Variants in CHSY3 observed in about 807,000 individuals in gnomAD.
CHSY3 encodes the protein chondroitin sulfate synthase 3.
CHSY3 carries 35 observed loss-of-function variants against 67.2 expected under a neutral mutation model. The ratio of observed to expected loss-of-function variants is 0.52; its 90% CI spans 0.40 to 0.69. The LOEUF is 0.69. Ranked by LOEUF, CHSY3 falls within the 30% of genes least tolerant of loss-of-function variation. The probability of loss-of-function intolerance (pLI) is 0.00; values close to 1 mark genes in which losing one functional copy is unlikely to be tolerated. For synonymous variants in CHSY3, 474 were observed against 434.7 expected, an observed-to-expected ratio of 1.09 and a Z score of -1.12; for missense variants, 1,069 against 1,138.5, an observed-to-expected ratio of 0.94 and a Z score of 0.88.
At chr5:130,175,610 A>G (rs1770023381) in intron 2 of CHSY3, among the ~76,000 whole-genome samples, 1 of 152,224 alleles carries the variant, frequency 6.6e-6, no homozygotes, top group African/African-American at 2.4e-5. Flanking sequence ...AAACTATACT[A>G]CAAGGCTACA....
At chr5:130,176,650 A>T (rs1770062304) in intron 2 of CHSY3, among the ~76,000 whole-genome samples, 1 of 152,230 alleles carries the variant, frequency 6.6e-6, no homozygotes, top group Admixed American at 6.5e-5. Context: ...ACACCATGGA[A>T]TACTATGCAG....
At chr5:129,931,185 C>G (rs922948182) in intron 2 of CHSY3, among the ~76,000 whole-genome samples, 7 of 152,036 alleles carry the variant, frequency 4.6e-5, no homozygotes, top group Non-Finnish European at 4.4e-5. Flanking sequence ...TGTCTCCATT[C>G]TTATTTGTTA....
intron 2 of CHSY3, among the ~76,000 whole-genome samples, chr5:130,107,240 G>A (rs986898846): frequency 6.6e-5 from 10 of 151,188 alleles, no homozygotes; most frequent in Non-Finnish European, 1.3e-4. Flanking sequence ...AAATAAAACT[G>A]ATCTAATTTG....
intron 2 of CHSY3, among the ~76,000 whole-genome samples, chr5:129,985,256 C>G (rs1351387828): frequency 6.6e-6 from 1 of 152,266 alleles, no homozygotes; most frequent in South Asian, 2.1e-4. Flanking sequence ...AGCCAGTCAT[C>G]CCAGCAACAT....
At chr5:130,064,674 T>C (rs1463464269) in intron 2 of CHSY3, among the ~76,000 whole-genome samples, 2 of 152,198 alleles carry the variant, frequency 1.3e-5, no homozygotes, top group Non-Finnish European at 2.9e-5. Flanking sequence ...ACTCTTTATC[T>C]GGAGCCAAAT....
At chr5:129,932,118 A>ATG (rs1761332658) in intron 2 of CHSY3, among the ~76,000 whole-genome samples, 1 of 27,080 alleles carries the variant, frequency 3.7e-5, no homozygotes, top group African/African-American at 8.4e-5. Context: ...ATATATATAT[A>ATG]TATATATATA....
At position 129,936,118 on chromosome 5, in the gene CHSY3, CTT is replaced by C. The variant is rs370608893; in HGVS notation, c.1086+27760_1086+27761del. Among the ~76,000 whole-genome samples the C allele has an allele frequency of 2.0e-4, 30 of 152,218 alleles. No individual in the cohort carries two copies. The East Asian group carries it at 2.7e-3, about 14-fold the overall frequency. ...GTAAAAGTTTGGGGAACTTGAAAGA[CTT>C]TATGAAATTCATTGGAGGATAAAAA... On this transcript the variant is annotated intron_variant, in intron 2 of 2. Transcript: ENST00000305031.
At chr5:129,916,000 C>G (rs1466352179) in intron 2 of CHSY3, among the ~76,000 whole-genome samples, 1 of 152,106 alleles carries the variant, frequency 6.6e-6, no homozygotes, top group Non-Finnish European at 1.5e-5. Context: ...ATAATTCTCT[C>G]AATAGAAGCC....
chr5:130,100,350 ATTTTTTT>A (rs3065055), intron 2 of CHSY3, among the ~76,000 whole-genome samples: 1 of 131,688 alleles, frequency 7.6e-6, no homozygotes, highest in Non-Finnish European at 1.6e-5. Flanking sequence ...ATGCTTGGCT[ATTTTTTT>A]TTTTTTTTTT....
Position 129,932,014 on chromosome 5 carries a change from G to C in CHSY3, c.1086+23654G>C, listed in dbSNP as rs187945126. ...TCTACAGAAAAAGAAATAATAGGAT[G>C]TATGAAAAAACATGTATTTGTATGT... On this transcript the variant is annotated intron_variant, in intron 2 of 2. Coordinates refer to ENST00000305031, the MANE Select transcript of CHSY3 (RefSeq NM_175856.5). Among the ~76,000 whole-genome samples the C allele has an allele frequency of 1.9e-3, 284 of 150,428 alleles. 3 individuals are homozygous for C. Among genetic ancestry groups the C allele is most frequent in the African/African-American group, 6.6e-3 (268 of 40,794 alleles).
chr5:129,984,315 A>T (rs1354360736), intron 2 of CHSY3, among the ~76,000 whole-genome samples: 3 of 152,102 alleles, frequency 2.0e-5, no homozygotes, highest in Non-Finnish European at 4.4e-5. Flanking sequence ...TTCAGTTTTG[A>T]TAATGGCTTC....
At chr5:130,003,182 C>T (rs1462329839) in intron 2 of CHSY3, among the ~76,000 whole-genome samples, 1 of 152,012 alleles carries the variant, frequency 6.6e-6, no homozygotes, top group Non-Finnish European at 1.5e-5. Context: ...CCATGATAGC[C>T]GAGTATCCAT....
At chr5:129,947,270 T>C (rs913414249) in intron 2 of CHSY3, among the ~76,000 whole-genome samples, 2 of 151,872 alleles carry the variant, frequency 1.3e-5, no homozygotes, top group Non-Finnish European at 2.9e-5. Context: ...CCCTCATGAT[T>C]AAATTACCTC....
At position 130,077,369 on chromosome 5, in the gene CHSY3, C is replaced by T. The variant is rs113951635; in HGVS notation, c.1087-106860C>T. On this transcript the variant is annotated intron_variant, in intron 2 of 2. Coordinates refer to ENST00000305031, the MANE Select transcript of CHSY3 (RefSeq NM_175856.5). ...AATTTGAAGTACCTGGATACCATAA[C>T]ATGACTAGAGTGTGGCAGAAGCCCA... 2.0e-5 allele frequency among the ~76,000 whole-genome samples: 3 copies of T among 152,160 alleles called. 1 individual carries two copies. The highest frequency in any genetic ancestry group is 7.2e-5 in the African/African-American group (3 of 41,528).
intron 2 of CHSY3, among the ~76,000 whole-genome samples, chr5:130,000,757 T>C (rs1580634733): frequency 7.0e-6 from 1 of 143,808 alleles, no homozygotes; most frequent in Non-Finnish European, 1.5e-5. Context: ...TTTTTTTTTT[T>C]TGTAGAGATG....
intron 2 of CHSY3, among the ~76,000 whole-genome samples, chr5:129,992,453 A>G (rs1763397247): frequency 6.6e-6 from 1 of 152,204 alleles, no homozygotes. Context: ...TTACCAAAGC[A>G]TGCTGAATTA....
At chr5:130,048,893 G>T (rs1263897047) in intron 2 of CHSY3, among the ~76,000 whole-genome samples, 1 of 151,942 alleles carries the variant, frequency 6.6e-6, no homozygotes, top group Non-Finnish European at 1.5e-5. Flanking sequence ...CAGGAAGAAT[G>T]AATTTTTTGT....
At chr5:130,164,095 A>G (rs1281468205) in intron 2 of CHSY3, among the ~76,000 whole-genome samples, 4 of 152,198 alleles carry the variant, frequency 2.6e-5, no homozygotes. Flanking sequence ...GAGGAGAAAA[A>G]TGGGCTCCAG....
intron 2 of CHSY3, among the ~76,000 whole-genome samples, chr5:130,143,926 A>G (rs1053755055): frequency 6.8e-6 from 1 of 147,950 alleles, no homozygotes; most frequent in South Asian, 2.1e-4. Context: ...CTAACTGCAT[A>G]TGAAAGTAAG....
Sources: allele counts gnomAD v4.1 joint callset (sites outside exome capture counted in the v4.1 genomes callset), GRCh38; gene constraint gnomAD v4.1.1; transcripts MANE v1.5; gene names NCBI Gene and HGNC (gene_info 2026-07-23, HGNC 2026-07-21).